Variants in MAGI1 observed in about 807,000 individuals in gnomAD.
MAGI1 encodes membrane associated guanylate kinase, WW and PDZ domain containing 1.
MAGI1 carries 58 observed loss-of-function variants against 139.9 expected under a neutral mutation model. The ratio of observed to expected loss-of-function variants is 0.41; its 90% confidence interval spans 0.34 to 0.52. The LOEUF (loss-of-function observed/expected upper bound fraction) is 0.52. MAGI1 is among the 20% of genes least tolerant of loss of function. MAGI1 has a pLI of 0.12. For missense variants in MAGI1, 1,874 were observed against 1,901.6 expected (o/e 0.99, Z 0.27); for synonymous variants, 812 against 737.9 (o/e 1.10, Z -1.63).
At chr3:65,461,544 G>A (rs1224938963) in intron 5 of MAGI1, among the ~76,000 whole-genome samples, 1 of 145,876 alleles carries the variant, frequency 6.9e-6, no homozygotes, top group Non-Finnish European at 1.5e-5. Context: ...GCTGGAGAGT[G>A]GTGGCGTGAT....
At chr3:65,514,872 C>T (rs1294620605) in intron 2 of MAGI1, among the ~76,000 whole-genome samples, 33 of 147,368 alleles carry the variant, frequency 2.2e-4, no homozygotes, top group East Asian at 8.1e-4. Context: ...ATGTTTATTG[C>T]GGCATTATTC....
chr3:65,833,289 T>G (rs1467621451), intron 1 of MAGI1, among the ~76,000 whole-genome samples: 1 of 152,082 alleles, frequency 6.6e-6, no homozygotes, highest in African/African-American at 2.4e-5. Context: ...CAGCTAATTT[T>G]TGTAGTTTTA....
intron 13 of MAGI1, among the ~76,000 whole-genome samples, chr3:65,393,537 A>AT (rs1275005006): frequency 6.6e-6 from 1 of 152,116 alleles, no homozygotes; most frequent in Non-Finnish European, 1.5e-5. Context: ...GCTACTTCCT[A>AT]TTTTTTTACA....
intron 20 of MAGI1, 96 bp from the exon 21 acceptor site, chr3:65,363,704 C>G (rs1290679137): frequency 1.0e-6 from 1 of 978,096 alleles, no homozygotes; most frequent in Non-Finnish European, 1.5e-6. Context: ...TCTCTATCCC[C>G]CTCTTGGTGA....
chr3:65,512,812 C>G (rs2077667048), intron 2 of MAGI1, among the ~76,000 whole-genome samples: 1 of 150,990 alleles, frequency 6.6e-6, no homozygotes, highest in Non-Finnish European at 1.5e-5. Context: ...TTTATGAGGC[C>G]AGCATCATTC....
At chr3:65,493,665 T>C (rs370386739) in intron 2 of MAGI1, 34 bp from the exon 3 acceptor site, 148 of 1,612,226 alleles carry the variant, frequency 9.2e-5, no homozygotes, top group African/African-American at 6.8e-4. Flanking sequence ...CAACAAACCA[T>C]CAATCAACTA....
chr3:65,410,844 C>T (rs1161043766), intron 12 of MAGI1, among the ~76,000 whole-genome samples: 1 of 152,296 alleles, frequency 6.6e-6, no homozygotes, highest in South Asian at 2.1e-4. Flanking sequence ...TTTAAAGCTA[C>T]ACAACTAACA....
chr3:65,843,117 T>A (rs1367191216), intron 1 of MAGI1, among the ~76,000 whole-genome samples: 1 of 152,190 alleles, frequency 6.6e-6, no homozygotes, highest in African/African-American at 2.4e-5. Context: ...TCAATTCTAA[T>A]AAAAAGAATT....
intron 2 of MAGI1, among the ~76,000 whole-genome samples, chr3:65,558,094 C>T (rs2080171873): frequency 6.6e-6 from 1 of 152,166 alleles, no homozygotes; most frequent in Non-Finnish European, 1.5e-5. Context: ...GAGTCCAGGG[C>T]ACCAATAGGC....
At position 65,530,768 on chromosome 3, in the gene MAGI1, TATATACACACATATATATACAC is replaced by T. The variant is rs1559642896; in HGVS notation, c.431-37159_431-37138del. Reference sequence around the variant, plus strand: ...ACATATATATACACGTATATATATATATATACACACATATATATACACGTATATATATATATACACACATATA... The same window carrying T: ...ACATATATATACACGTATATATATATGTATATATATATATACACACATATA... On this transcript the variant is annotated intron_variant, in intron 2 of 22. Transcript: ENST00000402939. Among the ~76,000 whole-genome samples the T allele has an allele frequency of 3.9e-4, 30 of 77,498 alleles. 3 individuals are homozygous for T. Among genetic ancestry groups the T allele is most frequent in the Non-Finnish European group, 6.8e-4 (29 of 42,336 alleles). The allele number at this position is 77,498 out of a possible 152,430, so 50.8% of individuals were successfully genotyped here.
At chr3:65,827,455 T>C (rs997453433) in intron 1 of MAGI1, among the ~76,000 whole-genome samples, 4 of 152,214 alleles carry the variant, frequency 2.6e-5, no homozygotes, top group Non-Finnish European at 5.9e-5. Context: ...AGAGGCAATA[T>C]TATCACTTGG....
chr3:65,913,477 T>C (rs1371123286), intron 1 of MAGI1, among the ~76,000 whole-genome samples: 1 of 152,174 alleles, frequency 6.6e-6, no homozygotes, highest in Non-Finnish European at 1.5e-5. Flanking sequence ...CCCCAAAGTA[T>C]GGCCTGTAGA....
chr3:65,458,568 T>C lies in MAGI1; in HGVS notation c.960-5228A>G, dbSNP rs1949555274. Among the ~76,000 whole-genome samples, 5 of 152,178 alleles carry C rather than the reference T, an allele frequency of 3.3e-5. No individual in the cohort carries two copies. In the South Asian group the frequency reaches 1.0e-3, roughly 32 times the overall value. Reference sequence around the variant, plus strand: ...GCATTTCTCTGATGATCAGTGATGTTGAGCACCTTTTCACATATCTGTCTG... The same window carrying C: ...GCATTTCTCTGATGATCAGTGATGTCGAGCACCTTTTCACATATCTGTCTG... On this transcript the variant is annotated intron_variant, in intron 5 of 22. Coordinates refer to ENST00000402939, the MANE Select transcript of MAGI1 (RefSeq NM_001033057.2).
At chr3:65,917,292 A>G (rs543169489) in intron 1 of MAGI1, among the ~76,000 whole-genome samples, 1 of 152,280 alleles carries the variant, frequency 6.6e-6, no homozygotes, top group African/African-American at 2.4e-5. Context: ...CTAAACACTG[A>G]CACCACCAAA....
At chr3:65,632,257 TAC>T (rs1453300915) in intron 1 of MAGI1, among the ~76,000 whole-genome samples, 1 of 152,176 alleles carries the variant, frequency 6.6e-6, no homozygotes, top group African/African-American at 2.4e-5. Flanking sequence ...AACTGACAAT[TAC>T]AGTGTCAAAA....
At position 65,926,506 on chromosome 3, in the gene MAGI1, G is replaced by T. The variant is rs373135332; in HGVS notation, c.313+111490C>A. Among the ~76,000 whole-genome samples the T allele has an allele frequency of 2.1e-4, 32 of 152,204 alleles. No individual in the cohort carries two copies. The South Asian group carries it at 3.1e-3, about 15-fold the overall frequency. ...TAAATTAAGGCATTCTTAGTCACAG[G>T]ATGAGACAGGAGGTCAGCACAAGAT... On this transcript the variant is annotated intron_variant, in intron 1 of 22. Transcript: ENST00000402939.
intron 1 of MAGI1, among the ~76,000 whole-genome samples, chr3:65,848,614 GTT>G (rs2059090439): frequency 6.6e-6 from 1 of 150,762 alleles, no homozygotes; most frequent in Non-Finnish European, 1.5e-5. Context: ...TAAGCTGAGA[GTT>G]TTCACTGAAG....
intron 1 of MAGI1, among the ~76,000 whole-genome samples, chr3:65,784,660 G>C (rs183681007): frequency 1.3e-5 from 2 of 152,136 alleles, no homozygotes; most frequent in African/African-American, 2.4e-5. Flanking sequence ...AGCCGAGATC[G>C]CGCCACTGCA....
intron 1 of MAGI1, among the ~76,000 whole-genome samples, chr3:65,959,178 C>T (rs1005659013): frequency 6.6e-6 from 1 of 152,200 alleles, no homozygotes; most frequent in Admixed American, 6.5e-5. Context: ...ACAGCCCCTT[C>T]CTTTGGTTAA....
Sources: gnomAD v4.1 joint callset for allele counts (sites outside exome capture counted in the v4.1 genomes callset) on GRCh38, gnomAD v4.1.1 for gene constraint, MANE v1.5 for transcripts, NCBI Gene and HGNC (gene_info 2026-07-23, HGNC 2026-07-21) for gene names.